ZNF475: variants seen among roughly 807,000 people sequenced by gnomAD.
ZNF475 encodes zinc finger protein 475.
the ZNF475 span, among the ~76,000 whole-genome samples, chr5:122,167,663 T>G: frequency 6.6e-6 from 1 of 152,222 alleles, no homozygotes; most frequent in Non-Finnish European, 1.5e-5. Flanking sequence ...TATGGAGAAA[T>G]AATTTACAAA....
the ZNF475 span, among the ~76,000 whole-genome samples, chr5:122,168,563 A>G: frequency 2.0e-5 from 3 of 152,188 alleles, no homozygotes; most frequent in Admixed American, 2.0e-4. Flanking sequence ...ATACAAAAAA[A>G]TTAGCCAGGC....
At chr5:122,165,429 G>A in the ZNF475 span, among the ~76,000 whole-genome samples, 2 of 152,162 alleles carry the variant, frequency 1.3e-5, no homozygotes, top group African/African-American at 2.4e-5. Context: ...TTGTGAGACA[G>A]GGTAAGGATT....
At chr5:122,167,991 T>A in the ZNF475 span, among the ~76,000 whole-genome samples, 3 of 152,222 alleles carry the variant, frequency 2.0e-5, no homozygotes, top group Non-Finnish European at 4.4e-5. Flanking sequence ...TGAATGACTG[T>A]ATTCAACTTT....
the ZNF475 span, chr5:122,180,004 A>C: frequency 4.1e-6 from 1 of 245,148 alleles, no homozygotes; most frequent in South Asian, 1.7e-4. Context: ...TCTTTCATAC[A>C]TCATCAAACC....
chr5:122,182,393 C>T, the ZNF475 span: 4 of 898,406 alleles, frequency 4.5e-6, no homozygotes, highest in South Asian at 2.3e-5. Context: ...TATGGTTCTC[C>T]CGAATAAAAA....
the ZNF475 span, among the ~76,000 whole-genome samples, chr5:122,173,717 G>A: frequency 1.3e-5 from 2 of 152,186 alleles, no homozygotes; most frequent in Non-Finnish European, 1.5e-5. Flanking sequence ...TCCCTAAAAT[G>A]TTCAAGTGCC....
At chr5:122,182,569 T>C in the ZNF475 span, 1 of 1,535,734 alleles carries the variant, frequency 6.5e-7, no homozygotes, top group South Asian at 1.2e-5. Flanking sequence ...CCCTGTAATG[T>C]TTGTGGGCGT....
At chr5:122,178,811 A>G in the ZNF475 span, among the ~76,000 whole-genome samples, 28 of 152,240 alleles carry the variant, frequency 1.8e-4, no homozygotes, top group Non-Finnish European at 3.5e-4. Flanking sequence ...GTCTTTGCCC[A>G]TGCCTATGTC....
the ZNF475 span, among the ~76,000 whole-genome samples, chr5:122,164,944 T>C: frequency 4.6e-5 from 7 of 152,026 alleles, no homozygotes; most frequent in East Asian, 1.4e-3. Context: ...AGCTAAAAAA[T>C]GTTTTCTAAA....
At chr5:122,169,863 A>T in the ZNF475 span, among the ~76,000 whole-genome samples, 1 of 152,104 alleles carries the variant, frequency 6.6e-6, no homozygotes, top group East Asian at 1.9e-4. Context: ...TCATTTTTTG[A>T]CTAATGCGTT....
At chr5:122,174,354 C>G in the ZNF475 span, among the ~76,000 whole-genome samples, 1 of 152,160 alleles carries the variant, frequency 6.6e-6, no homozygotes, top group Non-Finnish European at 1.5e-5. Flanking sequence ...TTCAGACTGA[C>G]AATTGTAAAA....
chr5:122,160,323 G>A, the ZNF475 span: 1 of 1,231,018 alleles, frequency 8.1e-7, no homozygotes, highest in South Asian at 1.3e-5. Context: ...GGGAATTTGT[G>A]TATATGTATT....
the ZNF475 span, among the ~76,000 whole-genome samples, chr5:122,172,877 C>CA: frequency 6.6e-6 from 1 of 151,956 alleles, no homozygotes; most frequent in Non-Finnish European, 1.5e-5. Context: ...ACTAAAAATA[C>CA]AAAAAATTAG....
chr5:122,160,280 C>A, the ZNF475 span: 1 of 1,289,748 alleles, frequency 7.8e-7, no homozygotes. Context: ...GACCAGTTCT[C>A]TTCTACATTG....
chr5:122,171,336 T>C, the ZNF475 span, among the ~76,000 whole-genome samples: 1 of 152,132 alleles, frequency 6.6e-6, no homozygotes, highest in Admixed American at 6.5e-5. Context: ...AGTATAAAAG[T>C]TACCCCACAC....
chr5:122,170,512 G>C, the ZNF475 span, among the ~76,000 whole-genome samples: 1 of 152,156 alleles, frequency 6.6e-6, no homozygotes, highest in Non-Finnish European at 1.5e-5. Context: ...CAGATGAATA[G>C]GTACACAGGG....
the ZNF475 span, among the ~76,000 whole-genome samples, chr5:122,168,282 G>C: frequency 2.6e-5 from 4 of 152,300 alleles, no homozygotes; most frequent in South Asian, 8.3e-4. Context: ...GACCTCAGGT[G>C]ATCCGCCCGC....
the ZNF475 span, among the ~76,000 whole-genome samples, chr5:122,161,677 C>T: frequency 6.6e-6 from 1 of 152,158 alleles, no homozygotes; most frequent in African/African-American, 2.4e-5. Flanking sequence ...ATGCACTGGA[C>T]AAATTGAGTG....
At chr5:122,179,801 T>C in the ZNF475 span, 1 of 1,150,938 alleles carries the variant, frequency 8.7e-7, no homozygotes, top group Non-Finnish European at 1.1e-6. Flanking sequence ...AGAGCAGAAG[T>C]ATTCTTTTTT....
Sources: gnomAD v4.1 joint callset for allele counts (sites outside exome capture counted in the v4.1 genomes callset) on GRCh38, gnomAD v4.1.1 for gene constraint, MANE v1.5 for transcripts, NCBI Gene and HGNC (gene_info 2026-07-23, HGNC 2026-07-21) for gene names.